CDH18: variants seen among roughly 807,000 people sequenced by gnomAD.
CDH18 encodes cadherin 18, also known as cadherin-18.
In CDH18, 31 loss-of-function variants were observed where a neutral mutation model predicts 67.9. That is an observed-to-expected ratio of 0.46 (90% CI 0.34 to 0.62). CDH18 has a LOEUF of 0.62. Ranked by LOEUF, CDH18 falls within the 20% of genes least tolerant of loss-of-function variation. The pLI is 0.01. For synonymous variants in CDH18, 362 were observed against 347.2 expected (o/e 1.04, Z -0.48); for missense variants, 890 against 975.5 (o/e 0.91, Z 1.17).
chr5:20,399,498 C>G (rs544488663), intron 1 of CDH18, among the ~76,000 whole-genome samples: 1 of 152,148 alleles, frequency 6.6e-6, no homozygotes, highest in Admixed American at 6.5e-5. Context: ...TTACACTGAA[C>G]AAAGCATTAT....
At chr5:20,058,348 A>C (rs1317385316) in intron 2 of CDH18, among the ~76,000 whole-genome samples, 2 of 152,168 alleles carry the variant, frequency 1.3e-5, no homozygotes, top group Non-Finnish European at 2.9e-5. Context: ...TTACTATTCA[A>C]TAAATGATGA....
intron 7 of CDH18, among the ~76,000 whole-genome samples, chr5:19,586,384 C>T (rs1364918503): frequency 6.6e-6 from 1 of 151,912 alleles, no homozygotes; most frequent in Admixed American, 6.6e-5. Context: ...CCTATAGGCC[C>T]GTGTGTGTTG....
At chr5:20,218,655 T>C (rs1311647970) in intron 2 of CDH18, among the ~76,000 whole-genome samples, 2 of 151,946 alleles carry the variant, frequency 1.3e-5, no homozygotes, top group Non-Finnish European at 2.9e-5. Flanking sequence ...ATTGTTCTCG[T>C]AGTAGAAAAT....
intron 1 of CDH18, among the ~76,000 whole-genome samples, chr5:20,359,582 A>C (rs1741923467): frequency 6.6e-6 from 1 of 152,168 alleles, no homozygotes; most frequent in Non-Finnish European, 1.5e-5. Flanking sequence ...AAATTATGTG[A>C]AGAGAACAAT....
chr5:20,555,385 C>T (rs1346510360), intron 1 of CDH18, among the ~76,000 whole-genome samples: 1 of 112,960 alleles, frequency 8.9e-6, no homozygotes, highest in Non-Finnish European at 1.9e-5. Context: ...TAAGACAAGC[C>T]AGAACCACCA....
intron 3 of CDH18, among the ~76,000 whole-genome samples, chr5:19,770,247 A>G (rs1773580935): frequency 6.6e-6 from 1 of 152,138 alleles, no homozygotes; most frequent in Non-Finnish European, 1.5e-5. Context: ...GACTTTTTAA[A>G]GAAATTAACA....
At chr5:19,776,165 A>G (rs989993877) in intron 3 of CDH18, among the ~76,000 whole-genome samples, 2 of 152,194 alleles carry the variant, frequency 1.3e-5, no homozygotes, top group African/African-American at 2.4e-5. Flanking sequence ...ATTTTAGTGA[A>G]TGGATTAAAC....
intron 3 of CDH18, among the ~76,000 whole-genome samples, chr5:19,758,363 G>A (rs1053243033): frequency 4.6e-5 from 7 of 152,156 alleles, no homozygotes; most frequent in Non-Finnish European, 8.8e-5. Context: ...AAGATGGCAG[G>A]GCATTGCTCC....
intron 1 of CDH18, among the ~76,000 whole-genome samples, chr5:20,484,262 A>G (rs1343819945): frequency 1.3e-5 from 2 of 152,102 alleles, no homozygotes; most frequent in African/African-American, 4.8e-5. Flanking sequence ...GGTTTTATCC[A>G]AAAGACAGGC....
chr5:20,186,505 T>C (rs780941677), intron 2 of CDH18, among the ~76,000 whole-genome samples: 1 of 151,824 alleles, frequency 6.6e-6, no homozygotes, highest in Non-Finnish European at 1.5e-5. Flanking sequence ...AGGACGTGAA[T>C]AGATATTTTT....
intron 8 of CDH18, among the ~76,000 whole-genome samples, chr5:19,549,183 G>C (rs1429651217): frequency 6.6e-6 from 1 of 152,132 alleles, no homozygotes; most frequent in Non-Finnish European, 1.5e-5. Flanking sequence ...CTGGATTATG[G>C]GGGTGGATCC....
chr5:19,529,499 A>G (rs1748260550), intron 9 of CDH18, among the ~76,000 whole-genome samples: 1 of 152,088 alleles, frequency 6.6e-6, no homozygotes, highest in South Asian at 2.1e-4. Context: ...AAAAGAAATA[A>G]AAGTGATGTA....
intron 2 of CDH18, among the ~76,000 whole-genome samples, chr5:20,019,987 AG>A (rs1315378671): frequency 1.3e-5 from 2 of 152,192 alleles, no homozygotes; most frequent in East Asian, 3.9e-4. Flanking sequence ...GATAGAGATG[AG>A]GACCTTACTA....
intron 1 of CDH18, among the ~76,000 whole-genome samples, chr5:20,358,193 C>T (rs1741791061): frequency 6.6e-6 from 1 of 152,170 alleles, no homozygotes; most frequent in Non-Finnish European, 1.5e-5. Context: ...GAAGAACTAC[C>T]TGTTGGGTAC....
chr5:19,861,956 C>T (rs1226836651), intron 2 of CDH18, among the ~76,000 whole-genome samples: 1 of 152,086 alleles, frequency 6.6e-6, no homozygotes, highest in Non-Finnish European at 1.5e-5. Flanking sequence ...TGGAATGATA[C>T]ATTGGTGCAT....
chr5:19,545,343 G>A (rs1004561316), intron 8 of CDH18, among the ~76,000 whole-genome samples: 1 of 152,160 alleles, frequency 6.6e-6, no homozygotes, highest in Non-Finnish European at 1.5e-5. Context: ...GAGACTGAAT[G>A]ACATGAATCT....
At chr5:19,778,356 A>C (rs183872424) in intron 3 of CDH18, among the ~76,000 whole-genome samples, 1 of 152,190 alleles carries the variant, frequency 6.6e-6, no homozygotes. Context: ...CCAAGAAATT[A>C]AAACGAAAGA....
intron 1 of CDH18, among the ~76,000 whole-genome samples, chr5:20,284,470 T>A (rs902315123): frequency 6.6e-6 from 1 of 152,038 alleles, no homozygotes; most frequent in Non-Finnish European, 1.5e-5. Flanking sequence ...ACATGCTGAT[T>A]AATCTACATG....
intron 1 of CDH18, among the ~76,000 whole-genome samples, chr5:20,574,903 G>A (rs1037939924): frequency 7.3e-5 from 11 of 151,684 alleles, no homozygotes; most frequent in African/African-American, 2.4e-4. Context: ...TCAATAAGAG[G>A]GCAGTCTAAT....
Sources: allele counts gnomAD v4.1 joint callset (sites outside exome capture counted in the v4.1 genomes callset), GRCh38; gene constraint gnomAD v4.1.1; transcripts MANE v1.5; gene names NCBI Gene and HGNC (gene_info 2026-07-23, HGNC 2026-07-21).